Variants in CHCHD3 observed in about 807,000 individuals in gnomAD.
CHCHD3 encodes the protein coiled-coil-helix-coiled-coil-helix domain containing 3, also known as MICOS complex subunit MIC19.
A neutral mutation model predicts 38.2 loss-of-function variants in CHCHD3; 20 were observed. The ratio of observed to expected loss-of-function variants is 0.52; its 90% confidence interval spans 0.37 to 0.76. The LOEUF is 0.76. Among genes scored for constraint, CHCHD3 ranks in the 30% least tolerant of loss-of-function variants. CHCHD3 has a pLI of 0.00. For synonymous variants in CHCHD3, 82 were observed against 100.0 expected, an observed-to-expected ratio of 0.82 and a Z score of 1.07; for missense variants, 245 against 279.2, an observed-to-expected ratio of 0.88 and a Z score of 0.87.
At chr7:132,973,147 A>G in intron 4 of CHCHD3, 2 of 985,420 alleles carry the variant, frequency 2.0e-6, no homozygotes, top group Non-Finnish European at 2.4e-6. Flanking sequence ...GTAAGACAGT[A>G]TGTCCAAATT....
intron 2 of CHCHD3, among the ~76,000 whole-genome samples, chr7:133,057,888 TCA>T (rs1370656780): frequency 1.6e-4 from 25 of 152,112 alleles, no homozygotes; most frequent in Non-Finnish European, 3.5e-4. Flanking sequence ...GGTCAAAGAA[TCA>T]TGAAAACAGG....
At chr7:133,066,809 C>G (rs1320118488) in intron 2 of CHCHD3, among the ~76,000 whole-genome samples, 1 of 152,162 alleles carries the variant, frequency 6.6e-6, no homozygotes, top group Admixed American at 6.5e-5. Flanking sequence ...TCCTTCCACT[C>G]AGGCCAATAT....
intron 3 of CHCHD3, among the ~76,000 whole-genome samples, chr7:133,008,993 A>T (rs1252394647): frequency 6.6e-6 from 1 of 151,934 alleles, no homozygotes; most frequent in Non-Finnish European, 1.5e-5. Flanking sequence ...AACAACAACA[A>T]CAAAAACCAG....
chr7:133,081,992 GC>G lies in CHCHD3; in HGVS notation c.-56del. On this transcript the variant is annotated 5_prime_UTR_variant, in exon 1 of 8. Transcript: ENST00000262570. ...AGCGGGGAACCACGAGCACTTCGGG[GC>G]CCCCGCACCCACACGCGCGTGGAAG... The G allele has an allele frequency of 2.8e-6, 4 of 1,450,114 alleles. No individual in the cohort carries two copies. The highest frequency in any genetic ancestry group is 3.7e-6 in the Non-Finnish European group (4 of 1,082,884). 89.8% of individuals were successfully genotyped at this position (1,450,114 alleles called of 1,614,324 possible).
chr7:132,788,597 AT>A lies in CHCHD3; in HGVS notation c.661-2938del, dbSNP rs1467350197. Reference sequence around the variant, plus strand: ...GGTAATTTTTCAGCCAAATCATATCATGCTAAGAATGTTAGGCTCTCTTTCA... The same window carrying A: ...GGTAATTTTTCAGCCAAATCATATCAGCTAAGAATGTTAGGCTCTCTTTCA... On this transcript the variant is annotated intron_variant, in intron 7 of 7. Transcript: ENST00000262570. This position sits in a 1 kb window ranked among gnomAD's most constrained non-coding sequence, Gnocchi z 4.0. Among the ~76,000 whole-genome samples, 5 of 152,214 alleles carry A rather than the reference AT, an allele frequency of 3.3e-5. No individual in the cohort carries two copies. Among genetic ancestry groups the A allele is most frequent in the African/African-American group, 1.2e-4 (5 of 41,448 alleles).
At chr7:132,808,365 T>C (rs1394178191) in intron 6 of CHCHD3, among the ~76,000 whole-genome samples, 2 of 152,244 alleles carry the variant, frequency 1.3e-5, no homozygotes, top group Non-Finnish European at 2.9e-5. Flanking sequence ...CTCAGATCTA[T>C]GTCCCTACTC....
chr7:132,815,757 A>G (rs1377999303), intron 6 of CHCHD3: 1 of 309,572 alleles, frequency 3.2e-6, no homozygotes, highest in African/African-American at 2.2e-5. Context: ...TTCCCCAACC[A>G]GATCCTTCCT....
intron 5 of CHCHD3, among the ~76,000 whole-genome samples, chr7:132,843,182 G>T (rs1807985294): frequency 6.6e-6 from 1 of 152,032 alleles, no homozygotes; most frequent in African/African-American, 2.4e-5. Flanking sequence ...GGATCACAGG[G>T]GCACATCCAC....
chr7:132,908,785 G>T (rs960424327), intron 4 of CHCHD3, among the ~76,000 whole-genome samples: 13 of 152,150 alleles, frequency 8.5e-5, no homozygotes, highest in Admixed American at 5.2e-4. Context: ...TAACAAAGAA[G>T]AATAATAACT....
chr7:133,022,415 T>C (rs1813208668), intron 3 of CHCHD3: 1 of 456,726 alleles, frequency 2.2e-6, no homozygotes, highest in Non-Finnish European at 4.4e-6. Context: ...CAATAACGTA[T>C]ACATGTTCTG....
At chr7:132,861,682 C>G (rs1808493999) in intron 5 of CHCHD3, among the ~76,000 whole-genome samples, 1 of 152,202 alleles carries the variant, frequency 6.6e-6, no homozygotes, top group South Asian at 2.1e-4. Context: ...CTACTCAACT[C>G]TGTTGTAGTA....
In CHCHD3 at chr7:132,790,429, A is replaced by G. The variant is rs983888224; in HGVS notation, c.661-4769T>C. Among the ~76,000 whole-genome samples the G allele has an allele frequency of 3.9e-5, 6 of 152,194 alleles. No individual in the cohort carries two copies. In the East Asian group the frequency reaches 1.2e-3, roughly 29 times the overall value. ...GAGAAAATGTCACGAAGCAACGATT[A>G]CTCTCAGAAAGTGGTTTAGAAAAGG... is the stretch of plus-strand genomic sequence containing the variant. On this transcript the variant is annotated intron_variant, in intron 7 of 7. Coordinates refer to ENST00000262570, the MANE Select transcript of CHCHD3 (RefSeq NM_017812.4).
chr7:133,069,555 G>A (rs1315136771), intron 2 of CHCHD3, among the ~76,000 whole-genome samples: 1 of 152,142 alleles, frequency 6.6e-6, no homozygotes, highest in Non-Finnish European at 1.5e-5. Flanking sequence ...GTAAAATACT[G>A]GATAAACAGA....
intron 5 of CHCHD3, among the ~76,000 whole-genome samples, chr7:132,857,772 A>C (rs951025265): frequency 3.3e-5 from 5 of 152,256 alleles, no homozygotes; most frequent in African/African-American, 1.2e-4. Flanking sequence ...CAGGGGCCTG[A>C]CTGCTTGTGA....
chr7:132,997,651 C>T (rs1453855093), intron 3 of CHCHD3, among the ~76,000 whole-genome samples: 1 of 98,468 alleles, frequency 1.0e-5, no homozygotes. Context: ...CTGTAACTAA[C>T]AGGGTTGTAA....
chr7:133,045,027 C>T (rs1220867081), intron 2 of CHCHD3, among the ~76,000 whole-genome samples: 1 of 152,222 alleles, frequency 6.6e-6, no homozygotes, highest in Non-Finnish European at 1.5e-5. Flanking sequence ...TTTTTTTCCC[C>T]TCTACCTAAA....
chr7:132,793,891 G>C (rs1480645627), intron 7 of CHCHD3, among the ~76,000 whole-genome samples: 2 of 152,214 alleles, frequency 1.3e-5, no homozygotes, highest in Non-Finnish European at 2.9e-5. Flanking sequence ...GCTAAAATAG[G>C]CAGTCGGGAC....
At chr7:132,974,605 G>A (rs1811710730) in intron 4 of CHCHD3, among the ~76,000 whole-genome samples, 1 of 152,198 alleles carries the variant, frequency 6.6e-6, no homozygotes, top group African/African-American at 2.4e-5. Context: ...GCCGGGCTCG[G>A]TGGCTCACAC....
chr7:132,952,502 G>C (rs1811056726), intron 4 of CHCHD3, among the ~76,000 whole-genome samples: 1 of 152,216 alleles, frequency 6.6e-6, no homozygotes, highest in African/African-American at 2.4e-5. Flanking sequence ...AGAAGTGTAT[G>C]AAAGAATCAA....
Sources: gnomAD v4.1 joint callset for allele counts (sites outside exome capture counted in the v4.1 genomes callset) on GRCh38, gnomAD v4.1.1 for gene constraint, Gnocchi (gnomAD v3.1) non-coding constraint, MANE v1.5 for transcripts, NCBI Gene and HGNC (gene_info 2026-07-23, HGNC 2026-07-21) for gene names.